Variants in PRCP observed in about 807,000 individuals in gnomAD.
The protein encoded by PRCP is lysosomal Pro-X carboxypeptidase.
A neutral mutation model predicts 54.2 loss-of-function variants in PRCP; 46 were observed. The ratio of observed to expected loss-of-function variants is 0.85; its 90% CI spans 0.67 to 1.09. The LOEUF is 1.09. PRCP is among the 50% of genes least tolerant of loss of function. The probability of loss-of-function intolerance (pLI) is 0.00; values close to 1 mark genes in which losing one functional copy is unlikely to be tolerated. For missense variants in PRCP, 613 were observed against 596.8 expected (o/e 1.03, Z -0.28); for synonymous variants, 240 against 212.2 (o/e 1.13, Z -1.14).
intron 8 of PRCP, among the ~76,000 whole-genome samples, chr11:82,834,765 G>A (rs552265774): frequency 6.6e-6 from 1 of 152,204 alleles, no homozygotes; most frequent in African/African-American, 2.4e-5. Context: ...GGAGTAGGGG[G>A]AAAGAGAGCA....
At position 82,850,072 on chromosome 11, in the gene PRCP, C is replaced by T; in HGVS notation, c.594-1G>A. ...GATAGGGGCAGAAGCTGCAAGAGCTCTAAATGGCAAGAAAATCAAAGAAAG... is the reference window on the plus strand; with the variant it reads ...GATAGGGGCAGAAGCTGCAAGAGCTTTAAATGGCAAGAAAATCAAAGAAAG... On this transcript the variant is annotated splice_acceptor_variant, in intron 4 of 8. Coordinates refer to ENST00000313010, the MANE Select transcript of PRCP (RefSeq NM_005040.4). LOFTEE classifies it high-confidence loss of function. 1 of 1,367,318 alleles carries T rather than the reference C, an allele frequency of 7.3e-7. No individual in the cohort carries two copies. Among genetic ancestry groups the T allele is most frequent in the Non-Finnish European group, 9.5e-7 (1 of 1,057,160 alleles). The allele number at this position is 1,367,318 out of a possible 1,614,324, so 84.7% of individuals were successfully genotyped here.
At chr11:82,843,545 T>C (rs1565220704) in intron 6 of PRCP, among the ~76,000 whole-genome samples, 1 of 152,234 alleles carries the variant, frequency 6.6e-6, no homozygotes, top group East Asian at 1.9e-4. Flanking sequence ...GGCCTGTTGA[T>C]TGTTTACATA....
chr11:82,840,125 T>C (rs1275953390), intron 6 of PRCP: 1 of 152,034 alleles, frequency 6.6e-6, no homozygotes, highest in Non-Finnish European at 1.5e-5. Context: ...TGTCGTGTGA[T>C]AAAAAGCATA....
At chr11:82,882,926 A>G (rs1859786186) in intron 1 of PRCP, among the ~76,000 whole-genome samples, 1 of 150,694 alleles carries the variant, frequency 6.6e-6, no homozygotes, top group Non-Finnish European at 1.5e-5. Context: ...AAGAACGATG[A>G]TACTTCAAAA....
At chr11:82,901,284 T>G (rs191819092), upstream of PRCP, among the ~76,000 whole-genome samples, 38 of 152,134 alleles carry the variant, frequency 2.5e-4, no homozygotes, top group African/African-American at 8.9e-4. Flanking sequence ...TAACGCCCCC[T>G]TTCTTCTCCG....
chr11:82,860,212 A>G (rs574771369), intron 1 of PRCP, 95 bp from the exon 2 acceptor site: 1 of 851,484 alleles, frequency 1.2e-6, no homozygotes, highest in South Asian at 4.8e-5. Context: ...ATCAATCTCT[A>G]CTACAAAAAT....
At chr11:82,878,917 G>A (rs1484418020) in intron 1 of PRCP, among the ~76,000 whole-genome samples, 1 of 152,142 alleles carries the variant, frequency 6.6e-6, no homozygotes, top group African/African-American at 2.4e-5. Context: ...TAGTCTGATG[G>A]GCCTCCCTTT....
intron 6 of PRCP, among the ~76,000 whole-genome samples, chr11:82,847,444 C>T (rs1436288278): frequency 6.6e-6 from 1 of 152,172 alleles, no homozygotes; most frequent in Non-Finnish European, 1.5e-5. Flanking sequence ...TCTTTTTCTA[C>T]ACAGTACTTT....
intron 1 of PRCP, among the ~76,000 whole-genome samples, chr11:82,867,779 G>A (rs1357246663): frequency 6.6e-6 from 1 of 152,118 alleles, no homozygotes; most frequent in Non-Finnish European, 1.5e-5. Flanking sequence ...GCAAAGTAGA[G>A]TGGCCAGATC....
intron 2 of PRCP, among the ~76,000 whole-genome samples, chr11:82,859,411 T>C (rs1859158889): frequency 6.6e-6 from 1 of 152,186 alleles, no homozygotes; most frequent in Admixed American, 6.5e-5. Context: ...GTTTTATTCA[T>C]TCATTCATTT....
At chr11:82,882,448 T>C (rs143025609) in intron 1 of PRCP, among the ~76,000 whole-genome samples, 158 of 151,912 alleles carry the variant, frequency 1.0e-3, no homozygotes, top group African/African-American at 3.6e-3. Context: ...TCCCATTCTG[T>C]AGGCACTCAC....
At chr11:82,872,557 T>C (rs1203552570) in intron 1 of PRCP, among the ~76,000 whole-genome samples, 4 of 152,068 alleles carry the variant, frequency 2.6e-5, no homozygotes, top group Admixed American at 2.0e-4. Context: ...AAGCAGAGAC[T>C]GGAGTCAAGC....
chr11:82,843,289 G>A (rs1858720129), intron 6 of PRCP: 2 of 150,166 alleles, frequency 1.3e-5, no homozygotes, highest in Non-Finnish European at 3.0e-5. Context: ...TTGGGTGACA[G>A]AGTGAGACTC....
intron 1 of PRCP, among the ~76,000 whole-genome samples, chr11:82,868,553 T>C (rs1859396554): frequency 6.6e-6 from 1 of 152,056 alleles, no homozygotes; most frequent in South Asian, 2.1e-4. Flanking sequence ...TACAGAGGGC[T>C]GCACCAAGGA....
At chr11:82,880,828 T>C (rs1203188374) in intron 1 of PRCP, among the ~76,000 whole-genome samples, 1 of 131,648 alleles carries the variant, frequency 7.6e-6, no homozygotes, top group African/African-American at 2.8e-5. Flanking sequence ...CCATCTGCCC[T>C]TATGGAGGAA....
intron 1 of PRCP, chr11:82,884,710 T>C: frequency 1.4e-6 from 2 of 1,461,692 alleles, no homozygotes; most frequent in African/African-American, 1.4e-5. Flanking sequence ...AAGAAGAGAA[T>C]TTGCAGACAG....
intron 1 of PRCP, among the ~76,000 whole-genome samples, chr11:82,896,335 G>A (rs781134265): frequency 7.2e-5 from 11 of 152,000 alleles, no homozygotes; most frequent in Non-Finnish European, 1.2e-4. Context: ...TTATATCAGC[G>A]GACTTTAAAT....
At chr11:82,869,377 G>A (rs1341837502) in intron 1 of PRCP, among the ~76,000 whole-genome samples, 1 of 139,048 alleles carries the variant, frequency 7.2e-6, no homozygotes, top group African/African-American at 2.6e-5. Flanking sequence ...AAAAGAAGAA[G>A]AAAAGAAGAA....
chr11:82,825,213 A>G, intron 8 of PRCP, 91 bp from the exon 9 acceptor site: 1 of 1,148,296 alleles, frequency 8.7e-7, no homozygotes, highest in East Asian at 2.6e-5. Flanking sequence ...CATGTTTAAC[A>G]CCTAAAATTA....
Sources: gnomAD v4.1 joint callset for allele counts (sites outside exome capture counted in the v4.1 genomes callset) on GRCh38, gnomAD v4.1.1 for gene constraint, MANE v1.5 for transcripts, NCBI Gene and HGNC (gene_info 2026-07-23, HGNC 2026-07-21) for gene names.